The following HNMT variants were observed in gnomAD, a reference collection of about 807,000 sequenced individuals.
HNMT encodes histamine N-methyltransferase.
Under a neutral mutation model 32.1 loss-of-function variants are expected in HNMT, and 30 were observed. The ratio of observed to expected loss-of-function variants is 0.93; its 90% CI spans 0.70 to 1.27. The LOEUF (loss-of-function observed/expected upper bound fraction) is 1.27, where lower values mean the gene tolerates loss of function less well. Ranked by LOEUF, HNMT falls within the 50% of genes most tolerant of loss-of-function variation. The pLI is 0.00. For missense variants in HNMT, 327 were observed against 346.0 expected, an observed-to-expected ratio of 0.95 and a Z score of 0.43; for synonymous variants, 125 against 119.0, an observed-to-expected ratio of 1.05 and a Z score of -0.33.
intron 5 of HNMT, 37 bp downstream of exon 5, chr2:138,005,262 C>T: frequency 2.8e-6 from 3 of 1,057,308 alleles, no homozygotes; most frequent in Non-Finnish European, 4.4e-6. Context: ...TTTAAAACAG[C>T]AATAATACAC....
intron 2 of HNMT, chr2:137,981,292 C>T: frequency 6.2e-7 from 1 of 1,613,628 alleles, no homozygotes; most frequent in Middle Eastern, 1.6e-4. Context: ...GTCAGAAAGA[C>T]AAGCCAGGCA....
At chr2:137,981,081 G>T in intron 2 of HNMT, 2 of 1,098,084 alleles carry the variant, frequency 1.8e-6, no homozygotes, top group East Asian at 5.2e-5. Context: ...TAATCTTAAT[G>T]CAACATGTAA....
At position 138,000,280 on chromosome 2, in the gene HNMT, C is replaced by T. The variant is rs144947363; in HGVS notation, c.191-638C>T. 3.6e-4 allele frequency among the ~76,000 whole-genome samples: 55 copies of T among 152,254 alleles called. 1 individual carries two copies. The East Asian group carries it at 9.5e-3, about 26-fold the overall frequency. On this transcript the variant is annotated intron_variant, in intron 2 of 5. Transcript: ENST00000280097. ...TGAGTGATCTTCCCCCATGAAGCAT[C>T]ATCACTCTGGCATCATCTCTCGTCC...
chr2:138,009,350 A>T (rs897814138), intron 5 of HNMT, among the ~76,000 whole-genome samples: 1 of 152,044 alleles, frequency 6.6e-6, no homozygotes, highest in Non-Finnish European at 1.5e-5. Context: ...AATTTCTTAG[A>T]GAGCTAAAAG....
intron 4 of HNMT, among the ~76,000 whole-genome samples, chr2:138,003,140 C>T (rs912582850): frequency 4.7e-5 from 7 of 148,208 alleles, no homozygotes; most frequent in African/African-American, 1.5e-4. Context: ...TGCTAGATGA[C>T]GAGTTAGTGG....
At chr2:138,010,262 T>C (rs1185857997) in intron 5 of HNMT, among the ~76,000 whole-genome samples, 5 of 152,036 alleles carry the variant, frequency 3.3e-5, no homozygotes, top group Admixed American at 1.3e-4. Context: ...ACTGAATAAT[T>C]GTTTATTATT....
intron 2 of HNMT, among the ~76,000 whole-genome samples, chr2:137,994,327 A>C (rs2104963688): frequency 6.6e-6 from 1 of 152,336 alleles, no homozygotes; most frequent in African/African-American, 2.4e-5. Context: ...AAGGGGATGG[A>C]GGAAAATTTA....
chr2:138,009,974 T>A (rs1195054694), intron 5 of HNMT, among the ~76,000 whole-genome samples: 3 of 152,122 alleles, frequency 2.0e-5, no homozygotes, highest in African/African-American at 7.2e-5. Flanking sequence ...GAACTTGGAA[T>A]GTCTATACCA....
At chr2:137,990,513 T>C (rs927920480) in intron 2 of HNMT, among the ~76,000 whole-genome samples, 1 of 152,208 alleles carries the variant, frequency 6.6e-6, no homozygotes, top group Non-Finnish European at 1.5e-5. Context: ...TGAAGTCAGA[T>C]AGTGTCGGTT....
Position 138,013,998 on chromosome 2 carries a change from C to T in HNMT, c.747C>T (p.Asn249=). The T allele has an allele frequency of 6.2e-7, 1 of 1,613,704 alleles. No individual in the cohort carries two copies. ...GGGATTTTTTGACTGAAACCTGCAA[C>T]TTTAATGCCACAGCACCACCTGATC... ...LLWDFLTETC[N]FNATAPPDLR... Residue 249 remains asparagine, a synonymous_variant, in exon 6 of 6, where the codon AAC becomes AAT. Transcript: ENST00000280097.
chr2:138,006,426 G>A (rs1269602007), intron 5 of HNMT, among the ~76,000 whole-genome samples: 1 of 151,990 alleles, frequency 6.6e-6, no homozygotes, highest in Non-Finnish European at 1.5e-5. Context: ...CATCTCAATA[G>A]TAGGTCTAAT....
intron 4 of HNMT, among the ~76,000 whole-genome samples, chr2:138,003,453 T>G (rs1055391077): frequency 6.6e-6 from 1 of 152,224 alleles, no homozygotes; most frequent in South Asian, 2.1e-4. Flanking sequence ...AAGAATAAAC[T>G]TACAAGAAGT....
chr2:137,968,414 G>A (rs560007056), intron 1 of HNMT, among the ~76,000 whole-genome samples: 87 of 152,278 alleles, frequency 5.7e-4, no homozygotes, highest in African/African-American at 1.9e-3. Context: ...GCTAATATAT[G>A]TGGAGTGCTT....
chr2:137,992,909 G>A (rs1160936068), intron 2 of HNMT, among the ~76,000 whole-genome samples: 13 of 152,054 alleles, frequency 8.5e-5, no homozygotes, highest in Admixed American at 8.5e-4. Context: ...AATAGGTCCT[G>A]AAGTGAACCC....
At chr2:138,005,461 C>A (rs1681304663) in intron 5 of HNMT, among the ~76,000 whole-genome samples, 1 of 152,002 alleles carries the variant, frequency 6.6e-6, no homozygotes, top group African/African-American at 2.4e-5. Flanking sequence ...GAAAATATGT[C>A]TTTGTCTTCT....
At chr2:138,000,356 G>A (rs1186183649) in intron 2 of HNMT, among the ~76,000 whole-genome samples, 1 of 151,896 alleles carries the variant, frequency 6.6e-6, no homozygotes, top group African/African-American at 2.4e-5. Context: ...ACTGAGCCAG[G>A]GCTATTTCTG....
At chr2:137,975,731 T>C (rs1680266578) in intron 2 of HNMT, among the ~76,000 whole-genome samples, 1 of 152,082 alleles carries the variant, frequency 6.6e-6, no homozygotes, top group Non-Finnish European at 1.5e-5. Flanking sequence ...GTTTAGAAAC[T>C]AGGAGGTGGC....
Position 138,010,434 on chromosome 2 carries a change from G to GACACAC in HNMT, c.524-3340_524-3335dup, listed in dbSNP as rs375739175. ...TAGGAATAAAAGGCTCAATAAAAAAGACACACGCACACACACACACACACA... is the reference window on the plus strand; with the variant it reads ...TAGGAATAAAAGGCTCAATAAAAAAGACACACACACACGCACACACACACACACACA... On this transcript the variant is annotated intron_variant, in intron 5 of 5. Transcript: ENST00000280097. Among the ~76,000 whole-genome samples, 56 of 117,772 alleles carry GACACAC rather than the reference G, an allele frequency of 4.8e-4. 1 individual carries two copies. The highest frequency in any genetic ancestry group is 2.2e-3 in the East Asian group (9 of 4,146). The allele number at this position is 117,772 out of a possible 152,430, so 77.3% of individuals were successfully genotyped here.
chr2:138,013,975 G>T lies in HNMT; in HGVS notation c.724G>T (p.Asp242Tyr). The T allele has an allele frequency of 6.2e-7, 1 of 1,613,678 alleles. No individual in the cohort carries two copies. The highest frequency in any genetic ancestry group is 8.5e-7 in the Non-Finnish European group (1 of 1,179,770). Residue 242 changes from aspartate to tyrosine, a missense_variant, in exon 6 of 6, where the codon GAT becomes TAT. Physicochemically the swap from Asp to Tyr is radical, Grantham distance 160 (BLOSUM62 -3). Coordinates refer to ENST00000280097, the MANE Select transcript of HNMT (RefSeq NM_006895.3). ...DGNENGDLLWDFLTETCNFNA... is the reference protein window; with the variant it reads ...DGNENGDLLWYFLTETCNFNA... ...TAATGAAAATGGAGACCTGCTTTGGGATTTTTTGACTGAAACCTGCAACTT... is the reference window on the plus strand; with the variant it reads ...TAATGAAAATGGAGACCTGCTTTGGTATTTTTTGACTGAAACCTGCAACTT...
Sources: gnomAD v4.1 joint callset for allele counts (sites outside exome capture counted in the v4.1 genomes callset) on GRCh38, gnomAD v4.1.1 for gene constraint, MANE v1.5 for transcripts, NCBI Gene and HGNC (gene_info 2026-07-23, HGNC 2026-07-21) for gene names.